Variants in PDK3 observed in about 807,000 individuals in gnomAD.
PDK3 encodes pyruvate dehydrogenase kinase, isozyme 3.
PDK3 carries 12 observed loss-of-function variants against 32.0 expected under a neutral mutation model. That is an observed-to-expected ratio of 0.37 (90% CI 0.24 to 0.61). PDK3 has a LOEUF of 0.61. Among genes scored for constraint, PDK3 ranks in the 20% least tolerant of loss-of-function variants. The pLI, the probability that PDK3 is intolerant of heterozygous loss-of-function variation, is 0.65. For missense variants in PDK3, 188 were observed against 316.9 expected (o/e 0.59, Z 3.09); for synonymous variants, 122 against 116.3 (o/e 1.05, Z -0.31).
downstream of PDK3, among the ~76,000 whole-genome samples, chrX:24,535,989 AGG>A (rs1189906034): frequency 1.1e-5 from 1 of 94,115 alleles, no homozygotes; most frequent in East Asian, 4.0e-4. Context: ...GAAGAAAGGA[AGG>A]AAGGAAAGGG....
chrX:24,501,370 G>T (rs1397264642), intron 3 of PDK3, among the ~76,000 whole-genome samples: 1 of 112,641 alleles, frequency 8.9e-6, no homozygotes, highest in Non-Finnish European at 1.9e-5. Context: ...TTTTAGACTG[G>T]TTTGTAGTTT....
At chrX:24,466,642 T>A (rs1427961696) in intron 1 of PDK3, among the ~76,000 whole-genome samples, 7 of 110,646 alleles carry the variant, frequency 6.3e-5, no homozygotes, top group Admixed American at 9.6e-5. Context: ...TTTTTTTTTT[T>A]AAAAGCTAGG....
At position 24,465,577 on chromosome X, in the gene PDK3, A is replaced by G. The variant is rs2148176613; in HGVS notation, c.106+16A>G. On this transcript the variant is annotated intron_variant, in intron 1 of 10. Coordinates refer to ENST00000379162, the MANE Select transcript of PDK3 (RefSeq NM_005391.5). Reference sequence around the variant, plus strand: ...CTGGACTTCGGTGAGTACGGGGCCAAGGGTCCCCATGGGCCCGGGGCCGCC... The same window carrying G: ...CTGGACTTCGGTGAGTACGGGGCCAGGGGTCCCCATGGGCCCGGGGCCGCC... 3 of 1,126,819 alleles carry G rather than the reference A, an allele frequency of 2.7e-6. No homozygotes were observed. The highest frequency in any genetic ancestry group is 3.1e-5 in the East Asian group (1 of 32,432). The allele number at this position is 1,126,819 out of a possible 1,213,427, so 92.9% of individuals were successfully genotyped here.
At chrX:24,548,942 A>G (rs1310048236) in exon 12 of PDK3, 1 of 111,954 alleles carries the variant, frequency 8.9e-6, no homozygotes, top group East Asian at 2.8e-4. Flanking sequence ...CCGCTTTCTT[A>G]TAAATTCCAT....
chrX:24,470,687 C>CAAAAAAAA (rs58511156), intron 1 of PDK3, among the ~76,000 whole-genome samples: 31 of 26,085 alleles, frequency 1.2e-3, no homozygotes, highest in African/African-American at 2.1e-3. Flanking sequence ...AACGGCATCT[C>CAAAAAAAA]AAAAAAAAAA....
At chrX:24,469,985 A>G (rs1367017597) in intron 1 of PDK3, among the ~76,000 whole-genome samples, 1 of 111,309 alleles carries the variant, frequency 9.0e-6, no homozygotes, top group Admixed American at 9.5e-5. Flanking sequence ...TTTATTATCT[A>G]TTATATATTC....
At chrX:24,533,385 G>T (rs2148204056) in intron 10 of PDK3, among the ~76,000 whole-genome samples, 1 of 111,001 alleles carries the variant, frequency 9.0e-6, no homozygotes, top group South Asian at 3.8e-4. Flanking sequence ...TGATCCACCT[G>T]CCTCAGCCTC....
chrX:24,516,347 C>A (rs1390356958), intron 5 of PDK3, among the ~76,000 whole-genome samples: 1 of 111,490 alleles, frequency 9.0e-6, no homozygotes, highest in Non-Finnish European at 1.9e-5. Context: ...TAGGTATATA[C>A]CCAAGATAAA....
chrX:24,508,925 C>G (rs1230161444), intron 5 of PDK3, among the ~76,000 whole-genome samples: 1 of 111,223 alleles, frequency 9.0e-6, no homozygotes, highest in Non-Finnish European at 1.9e-5. Flanking sequence ...AGATGTTGGC[C>G]ATGCTGGTCT....
intron 1 of PDK3, among the ~76,000 whole-genome samples, chrX:24,484,222 C>T (rs1426810208): frequency 2.7e-5 from 3 of 111,339 alleles, no homozygotes; most frequent in Non-Finnish European, 5.7e-5. Flanking sequence ...CCATGTTGCC[C>T]AGGCTGATCT....
At chrX:24,491,575 A>G (rs1921562398) in intron 1 of PDK3, among the ~76,000 whole-genome samples, 1 of 110,637 alleles carries the variant, frequency 9.0e-6, no homozygotes, top group African/African-American at 3.3e-5. Context: ...AGGGTAGGGG[A>G]TTTTCACTAA....
chrX:24,540,151 C>G (rs1922858182), exon 12 of PDK3, among the ~76,000 whole-genome samples: 1 of 111,930 alleles, frequency 8.9e-6, no homozygotes, highest in South Asian at 3.7e-4. Context: ...TCACCTCAGT[C>G]TGATTTTCAC....
At chrX:24,513,168 T>C (rs1367237966) in intron 5 of PDK3, among the ~76,000 whole-genome samples, 2 of 111,536 alleles carry the variant, frequency 1.8e-5, no homozygotes, top group Non-Finnish European at 3.8e-5. Flanking sequence ...ATCTGGAGAT[T>C]GGATATTCTG....
chrX:24,504,585 A>T (rs1921936431), intron 4 of PDK3, among the ~76,000 whole-genome samples: 1 of 112,364 alleles, frequency 8.9e-6, no homozygotes, highest in Non-Finnish European at 1.9e-5. Context: ...TAAAAATAAG[A>T]ACACCTATAA....
At chrX:24,466,886 G>T (rs1940069885) in intron 1 of PDK3, among the ~76,000 whole-genome samples, 1 of 112,043 alleles carries the variant, frequency 8.9e-6, no homozygotes, top group African/African-American at 3.2e-5. Context: ...ATATAGGCAA[G>T]TTTTCCATCT....
chrX:24,480,104 A>C (rs1251553542), intron 1 of PDK3, among the ~76,000 whole-genome samples: 1 of 111,462 alleles, frequency 9.0e-6, no homozygotes, highest in Non-Finnish European at 1.9e-5. Flanking sequence ...GTGCATTGTC[A>C]CCGCCTCCCA....
chrX:24,493,719 A>G (rs772502869), intron 1 of PDK3, among the ~76,000 whole-genome samples: 1 of 112,056 alleles, frequency 8.9e-6, no homozygotes, highest in African/African-American at 3.2e-5. Flanking sequence ...GTCCTTACAC[A>G]AACTAGTTTT....
chrX:24,532,744 A>T, intron 10 of PDK3, among the ~76,000 whole-genome samples: 1 of 111,782 alleles, frequency 8.9e-6, no homozygotes, highest in Middle Eastern at 4.6e-3. Context: ...TGGGAAAAAT[A>T]GAATTTTTCC....
exon 12 of PDK3, chrX:24,545,483 C>T (rs1922977728): frequency 1.8e-5 from 2 of 111,634 alleles, no homozygotes; most frequent in African/African-American, 6.5e-5. Flanking sequence ...AGCCTCTTTG[C>T]CTCAGTGGTC....
Sources: allele counts gnomAD v4.1 joint callset (sites outside exome capture counted in the v4.1 genomes callset), GRCh38; gene constraint gnomAD v4.1.1; transcripts MANE v1.5; gene names NCBI Gene and HGNC (gene_info 2026-07-23, HGNC 2026-07-21).